Variants in KIF19 observed in about 807,000 individuals in gnomAD.
The protein encoded by KIF19 is kinesin family member 19, also known as kinesin-like protein KIF19.
Under a neutral mutation model 106.6 loss-of-function variants are expected in KIF19, and 98 were observed. The ratio of observed to expected loss-of-function variants is 0.92; its 90% CI spans 0.78 to 1.09. The LOEUF (loss-of-function observed/expected upper bound fraction) is 1.09. KIF19 is among the 50% of genes least tolerant of loss of function. KIF19 has a pLI of 0.00. For synonymous variants in KIF19, 516 were observed against 584.2 expected, an observed-to-expected ratio of 0.88 and a Z score of 1.68; for missense variants, 1,373 against 1,414.3, an observed-to-expected ratio of 0.97 and a Z score of 0.47.
intron 1 of KIF19, among the ~76,000 whole-genome samples, chr17:74,328,050 G>A (rs1156338832): frequency 1.3e-5 from 2 of 152,210 alleles, no homozygotes; most frequent in East Asian, 1.9e-4. Flanking sequence ...TCCCAGAGCC[G>A]TGCCTGCACC....
chr17:74,339,449 G>A (rs985254743), intron 2 of KIF19, among the ~76,000 whole-genome samples: 1 of 150,942 alleles, frequency 6.6e-6, no homozygotes, highest in African/African-American at 2.5e-5. Context: ...TACCTCCCTC[G>A]CCACCTTCCC....
chr17:74,339,683 A>G (rs183298189), intron 2 of KIF19, among the ~76,000 whole-genome samples: 1 of 152,276 alleles, frequency 6.6e-6, no homozygotes, highest in East Asian at 1.9e-4. Flanking sequence ...CTTCTCATGA[A>G]GAGCACGGTG....
chr17:74,350,104 C>T (rs16978005), intron 10 of KIF19, among the ~76,000 whole-genome samples: 2,442 of 152,072 alleles, frequency 0.016, 78 homozygotes, highest in African/African-American at 0.056. Context: ...TGGCCACAGA[C>T]GGTAGTTTCT....
In KIF19 at chr17:74,352,284, G is replaced by A. The variant is rs1324512061; in HGVS notation, c.1924G>A (p.Glu642Lys). The change falls in exon 14 of 20, where the codon GAG (glutamate) becomes AAG (lysine). Residue 642 changes from glutamate (E) to lysine (K), a missense_variant. Around this residue, in one of 3 missense-constraint regions of KIF19, gnomAD observed 1,020 missense variants for 1,008.2 expected, o/e 1.01. Coordinates refer to ENST00000389916, the MANE Select transcript of KIF19 (RefSeq NM_153209.4). Reference sequence around the variant, plus strand: ...CGAAGTGTACCTGCGGGAGCTGGAGGAGGGCAGCCTGGAGCAGGCCACCAT... The same window carrying A: ...CGAAGTGTACCTGCGGGAGCTGGAGAAGGGCAGCCTGGAGCAGGCCACCAT... ...LYEVYLRELE[E>K]GSLEQATIMD... 2 of 1,612,626 alleles carry A rather than the reference G, an allele frequency of 1.2e-6. No homozygotes were observed. The highest frequency in any genetic ancestry group is 1.7e-6 in the Non-Finnish European group (2 of 1,179,660).
intron 9 of KIF19, chr17:74,348,846 C>T (rs1027274128): frequency 1.1e-5 from 3 of 274,648 alleles, no homozygotes; most frequent in Non-Finnish European, 1.4e-5. Context: ...AAGGGGATGG[C>T]GTCTGTGGTG....
In KIF19 at chr17:74,349,209, CCTA is replaced by C; in HGVS notation, c.1075_1077del (p.Tyr359del). 1 of 1,613,864 alleles carries C rather than the reference CCTA, an allele frequency of 6.2e-7. No homozygotes were observed. The highest frequency in any genetic ancestry group is 8.5e-7 in the Non-Finnish European group (1 of 1,179,884). ...GTGAAGCAGAACCTCCTGAACGTCT[CCTA>C]CCACATCGCCCAGTACACCAGCATC... On this transcript the variant is annotated inframe_deletion, in exon 10 of 20. Coordinates refer to ENST00000389916, the MANE Select transcript of KIF19 (RefSeq NM_153209.4).
chr17:74,344,466 A>G (rs1053632874), intron 6 of KIF19, 118 bp downstream of exon 6: 20 of 1,453,806 alleles, frequency 1.4e-5, no homozygotes, highest in Non-Finnish European at 1.7e-5. Context: ...TGGGACAGAC[A>G]GGAGAATCCT....
chr17:74,339,772 A>G (rs2054311480), intron 2 of KIF19, among the ~76,000 whole-genome samples: 1 of 152,166 alleles, frequency 6.6e-6, no homozygotes, highest in African/African-American at 2.4e-5. Context: ...CAGCATTTAG[A>G]GGCGCCAGCT....
intron 2 of KIF19, among the ~76,000 whole-genome samples, chr17:74,332,328 G>C (rs2054118530): frequency 6.6e-6 from 1 of 151,922 alleles, no homozygotes; most frequent in Admixed American, 6.6e-5. Context: ...AGGAAGCGGG[G>C]AAGTACCAGG....
rs761730804 is a variant in KIF19 at position 74,349,274 on chromosome 17, C to T, written c.1138C>T (p.Arg380Cys). 5.6e-6 allele frequency: 9 copies of T among 1,613,294 alleles called. No individual in the cohort carries two copies. The highest frequency in any genetic ancestry group is 3.3e-5 in the South Asian group (3 of 91,032). Reference protein sequence around the residue: ...DLRGEIQRLKRKIDEQTGRGQ... With the variant: ...DLRGEIQRLKCKIDEQTGRGQ... ...GCGGGGCGAGATCCAGCGACTCAAGCGCAAGATTGATGAGCAGACTGGGCG... is the reference window on the plus strand; with the variant it reads ...GCGGGGCGAGATCCAGCGACTCAAGTGCAAGATTGATGAGCAGACTGGGCG... Residue 380 changes from arginine (R) to cysteine (C), a missense_variant, in exon 10 of 20, where the codon CGC becomes TGC. Physicochemically the swap from Arg to Cys is radical, Grantham distance 180. Transcript: ENST00000389916.
chr17:74,340,692 C>T (rs539289702), intron 2 of KIF19, among the ~76,000 whole-genome samples: 154 of 152,364 alleles, frequency 1.0e-3, no homozygotes, highest in African/African-American at 3.3e-3. Flanking sequence ...CCACTCCCGG[C>T]TCAGGCTCAA....
intron 16 of KIF19, 52 bp from the exon 17 acceptor site, chr17:74,353,442 G>T: frequency 1.3e-6 from 2 of 1,549,650 alleles, no homozygotes; most frequent in South Asian, 1.1e-5. Context: ...GTGGGGCATG[G>T]GGTCCCTGCT....
At chr17:74,353,448 C>T in intron 16 of KIF19, 46 bp from the exon 17 acceptor site, 1 of 1,570,486 alleles carries the variant, frequency 6.4e-7, no homozygotes, top group African/African-American at 1.3e-5. Flanking sequence ...CATGGGGTCC[C>T]TGCTGTGTTT....
chr17:74,352,360 G>T lies in KIF19; in HGVS notation c.1980+20G>T. On this transcript the variant is annotated intron_variant, in intron 14 of 19. Transcript: ENST00000389916. ...CTGCAGGTGGGTGGGCGCCTGGGCGGCCTGAACATGGGCACATGTGCCCAG... is the reference window on the plus strand; with the variant it reads ...CTGCAGGTGGGTGGGCGCCTGGGCGTCCTGAACATGGGCACATGTGCCCAG... 1 of 1,594,920 alleles carries T rather than the reference G, an allele frequency of 6.3e-7. No homozygotes were observed. The highest frequency in any genetic ancestry group is 8.5e-7 in the Non-Finnish European group (1 of 1,172,214).
intron 12 of KIF19, 85 bp downstream of exon 12, chr17:74,350,990 G>A (rs2144289699): frequency 7.1e-7 from 1 of 1,409,230 alleles, no homozygotes; most frequent in East Asian, 2.3e-5. Flanking sequence ...GGGCCAGGGT[G>A]GGGGTAGCCG....
rs376845224 is a variant in KIF19 at position 74,355,169 on chromosome 17, T to A, written c.2867-13T>A. 6.3e-7 allele frequency: 1 copy of A among 1,583,382 alleles called. No homozygotes were observed. The highest frequency in any genetic ancestry group is 8.6e-7 in the Non-Finnish European group (1 of 1,162,430). On this transcript the variant is annotated splice_polypyrimidine_tract_variant and intron_variant, in intron 19 of 19. Transcript: ENST00000389916. ...TTCCGAAACCACTGATCCTGCCCCT[T>A]TCCCTGTTGCAGGCCCGGGGGACTC...
chr17:74,339,315 G>A lies in KIF19; in HGVS notation c.121-2561G>A, dbSNP rs920915277. Among the ~76,000 whole-genome samples, 2 of 151,892 alleles carry A rather than the reference G, an allele frequency of 1.3e-5. 1 individual carries two copies. Among genetic ancestry groups the A allele is most frequent in the Non-Finnish European group, 2.9e-5 (2 of 67,906 alleles). On this transcript the variant is annotated intron_variant, in intron 2 of 19. Coordinates refer to ENST00000389916, the MANE Select transcript of KIF19 (RefSeq NM_153209.4). ...CCAGTCCTGGCTCTGCCATTTCCTA[G>A]CAACATGACTTTGTGCCTCAACTTC...
Position 74,347,768 on chromosome 17 carries a change from C to G in KIF19, c.925-9C>G. 1 of 1,588,046 alleles carries G rather than the reference C, an allele frequency of 6.3e-7. No homozygotes were observed. Among genetic ancestry groups the G allele is most frequent in the Admixed American group, 1.8e-5 (1 of 56,874 alleles). On this transcript the variant is annotated splice_polypyrimidine_tract_variant and intron_variant, in intron 8 of 19. Transcript: ENST00000389916. ...CAGTCCCCACTGACCACAGCCACCT[C>G]CCATCCAGGACTCTCTGGGAGGAAA...
chr17:74,328,470 G>A lies in KIF19; in HGVS notation c.85G>A (p.Gly29Arg). The A allele has an allele frequency of 3.1e-6, 5 of 1,611,218 alleles. No homozygotes were observed. The highest frequency in any genetic ancestry group is 4.2e-6 in the Non-Finnish European group (5 of 1,179,026). ...CATCAGCGTGGCAGAGCTGGAGGAA[G>A]GAGCTACCCTCATCGCCCATAAAGT... Reference protein sequence around the residue: ...RPISVAELEEGATLIAHKVDE... With the variant: ...RPISVAELEERATLIAHKVDE... Residue 29 changes from glycine to arginine, a missense_variant, in exon 2 of 20, where the codon GGA becomes AGA. By Grantham distance (125) the Gly-to-Arg change is moderately radical (BLOSUM62 -2). Coordinates refer to ENST00000389916, the MANE Select transcript of KIF19 (RefSeq NM_153209.4).
Sources: allele counts gnomAD v4.1 joint callset (sites outside exome capture counted in the v4.1 genomes callset), GRCh38; gene constraint gnomAD v4.1.1; regional missense constraint gnomAD v4.1.1; transcripts MANE v1.5; gene names NCBI Gene and HGNC (gene_info 2026-07-23, HGNC 2026-07-21).